Variants in FMN2 observed in about 807,000 individuals in gnomAD.
FMN2 encodes the protein formin 2.
Under a neutral mutation model 142.3 loss-of-function variants are expected in FMN2, and 51 were observed. The ratio of observed to expected loss-of-function variants is 0.36; its 90% CI spans 0.29 to 0.45. FMN2 has a LOEUF of 0.45. Among genes scored for constraint, FMN2 ranks in the 20% least tolerant of loss-of-function variants. The pLI, the probability that FMN2 is intolerant of heterozygous loss-of-function variation, is 1.00. For missense variants in FMN2, 1,936 were observed against 2,122.8 expected (o/e 0.91, Z 1.73); for synonymous variants, 882 against 869.8 (o/e 1.01, Z -0.25).
chr1:240,146,917 T>G lies in FMN2; in HGVS notation c.1782+23572T>G, dbSNP rs1428738595. ...TAGAATGGGAATTTCAGACTCATTT[T>G]GGAGATAAGCTGTAAAGAACTAATG... On this transcript the variant is annotated intron_variant, in intron 2 of 17. Transcript: ENST00000319653. Among the ~76,000 whole-genome samples the G allele has an allele frequency of 8.6e-5, 13 of 151,774 alleles. No individual in the cohort carries two copies. The Admixed American group carries it at 8.6e-4, about 10-fold the overall frequency.
At chr1:240,226,074 A>G (rs1044789554) in intron 6 of FMN2, among the ~76,000 whole-genome samples, 1 of 152,184 alleles carries the variant, frequency 6.6e-6, no homozygotes, top group Non-Finnish European at 1.5e-5. Flanking sequence ...CTAAGGGACC[A>G]GTGTATGTGA....
chr1:240,248,826 C>T (rs959793768), intron 6 of FMN2, among the ~76,000 whole-genome samples: 2 of 151,916 alleles, frequency 1.3e-5, no homozygotes, highest in African/African-American at 4.8e-5. Context: ...TGATGTTGAG[C>T]AGTTTTTTTC....
intron 2 of FMN2, chr1:240,170,314 G>C: frequency 9.2e-7 from 1 of 1,081,840 alleles, no homozygotes; most frequent in African/African-American, 1.5e-5. Context: ...CCATACCAAT[G>C]CCTATACCCT....
intron 3 of FMN2, 129 bp from the exon 4 acceptor site, chr1:240,188,078 G>T: frequency 1.3e-6 from 1 of 780,222 alleles, no homozygotes; most frequent in Non-Finnish European, 2.1e-6. Context: ...TATATAATTG[G>T]AAGAGAGACT....
intron 14 of FMN2, among the ~76,000 whole-genome samples, chr1:240,390,240 T>C (rs1673559074): frequency 6.6e-6 from 1 of 152,234 alleles, no homozygotes; most frequent in South Asian, 2.1e-4. Flanking sequence ...CAAAACTATG[T>C]AAAATAATGT....
At chr1:240,259,481 T>C (rs1372028470) in intron 7 of FMN2, among the ~76,000 whole-genome samples, 1 of 134,044 alleles carries the variant, frequency 7.5e-6, no homozygotes, top group African/African-American at 2.9e-5. Flanking sequence ...TTTGAAACCC[T>C]GTACACTTTT....
intron 14 of FMN2, among the ~76,000 whole-genome samples, chr1:240,384,811 A>G (rs9661605): frequency 0.31 from 47,331 of 152,044 alleles, 7,903 homozygotes; most frequent in East Asian, 0.46. Flanking sequence ...TTTAAGTGGG[A>G]ATAATTATAA....
At chr1:240,406,464 AC>A (rs1408490476) in intron 15 of FMN2, among the ~76,000 whole-genome samples, 10 of 152,178 alleles carry the variant, frequency 6.6e-5, no homozygotes, top group Non-Finnish European at 1.3e-4. Context: ...GCTCTGAGAA[AC>A]AACGCTGGCA....
chr1:240,102,288 G>A (rs571487984), intron 1 of FMN2, among the ~76,000 whole-genome samples: 14 of 152,204 alleles, frequency 9.2e-5, no homozygotes, highest in African/African-American at 3.1e-4. Context: ...AGCCCATTAA[G>A]GACTAGAATA....
chr1:240,123,139 T>C (rs1428121179), intron 1 of FMN2, 40 bp from the exon 2 acceptor site: 2 of 1,609,620 alleles, frequency 1.2e-6, no homozygotes, highest in Non-Finnish European at 1.7e-6. Flanking sequence ...AGCCAGGTGA[T>C]CGGCAGTGCT....
chr1:240,154,129 A>AAAAAAAAAAAAAAAAAAAAAG (rs3047192), intron 2 of FMN2, among the ~76,000 whole-genome samples: 1 of 102,154 alleles, frequency 9.8e-6, no homozygotes, highest in Non-Finnish European at 2.0e-5. Context: ...AAAAAAAAAA[A>AAAAAAAAAAAAAAAAAAAAAG]AAGTGTTACT....
chr1:240,294,938 TC>T, intron 8 of FMN2, 55 bp downstream of exon 8: 7 of 1,492,416 alleles, frequency 4.7e-6, no homozygotes, highest in Non-Finnish European at 6.5e-6. Flanking sequence ...ACAGTACATG[TC>T]TATGTGCACA....
chr1:240,171,727 T>C (rs1258513909), intron 2 of FMN2, among the ~76,000 whole-genome samples: 1 of 152,194 alleles, frequency 6.6e-6, no homozygotes, highest in Non-Finnish European at 1.5e-5. Flanking sequence ...ATTTGTGGAT[T>C]ATAGCTCTGA....
intron 14 of FMN2, among the ~76,000 whole-genome samples, chr1:240,363,720 C>T (rs1024795751): frequency 1.8e-4 from 27 of 152,302 alleles, no homozygotes; most frequent in African/African-American, 6.0e-4. Context: ...TCTACACGTC[C>T]CCAACTCTGT....
At chr1:240,392,416 TTAAAA>T in intron 14 of FMN2, 90 bp from the exon 15 acceptor site, 1 of 936,230 alleles carries the variant, frequency 1.1e-6, no homozygotes, top group Non-Finnish European at 1.7e-6. Context: ...GAATTAATAA[TTAAAA>T]TAAGTTACGT....
At chr1:240,452,578 G>A (rs1301946595) in intron 16 of FMN2, among the ~76,000 whole-genome samples, 1 of 127,546 alleles carries the variant, frequency 7.8e-6, no homozygotes, top group African/African-American at 2.6e-5. Flanking sequence ...TGGCCTAAAG[G>A]TAAATATTTT....
At chr1:240,285,081 T>C (rs917667777) in intron 7 of FMN2, among the ~76,000 whole-genome samples, 2 of 151,890 alleles carry the variant, frequency 1.3e-5, no homozygotes, top group Non-Finnish European at 2.9e-5. Context: ...TTCTATTGGG[T>C]TTTTCTGTTA....
At chr1:240,144,554 A>G in intron 2 of FMN2, 4 of 1,422,182 alleles carry the variant, frequency 2.8e-6, no homozygotes, top group Non-Finnish European at 4.0e-6. Flanking sequence ...TACCAGCTCC[A>G]TGTCATTGCG....
chr1:240,354,894 C>T (rs1488108395), intron 13 of FMN2, among the ~76,000 whole-genome samples: 9 of 151,882 alleles, frequency 5.9e-5, no homozygotes, highest in Non-Finnish European at 4.4e-5. Flanking sequence ...GTGTTCTATC[C>T]AAAGTTTTGT....
Sources: gnomAD v4.1 joint callset for allele counts (sites outside exome capture counted in the v4.1 genomes callset) on GRCh38, gnomAD v4.1.1 for gene constraint, MANE v1.5 for transcripts, NCBI Gene and HGNC (gene_info 2026-07-23, HGNC 2026-07-21) for gene names.